ATF2: variants seen among roughly 807,000 people sequenced by gnomAD.
ATF2 encodes cyclic AMP-dependent transcription factor ATF-2.
Under a neutral mutation model 60.6 loss-of-function variants are expected in ATF2, and 24 were observed. That is an observed-to-expected ratio of 0.40 (90% CI 0.29 to 0.56). The LOEUF is 0.56. Ranked by LOEUF, ATF2 falls within the 20% of genes least tolerant of loss-of-function variation. The probability of loss-of-function intolerance (pLI) is 0.54; values close to 1 mark genes in which losing one functional copy is unlikely to be tolerated. For missense variants in ATF2, 433 were observed against 607.7 expected, an observed-to-expected ratio of 0.71 and a Z score of 3.02; for synonymous variants, 206 against 215.4, an observed-to-expected ratio of 0.96 and a Z score of 0.38.
At chr2:175,164,235 A>G (rs1700210774) in intron 1 of ATF2, among the ~76,000 whole-genome samples, 1 of 150,920 alleles carries the variant, frequency 6.6e-6, no homozygotes, top group African/African-American at 2.4e-5. Flanking sequence ...TATATTATAA[A>G]ATAATGTGTA....
intron 1 of ATF2, among the ~76,000 whole-genome samples, chr2:175,159,275 T>C (rs1048690505): frequency 2.0e-5 from 3 of 151,472 alleles, no homozygotes; most frequent in Admixed American, 2.0e-4. Flanking sequence ...GCTGAGAACC[T>C]ACCACTGTAC....
chr2:175,127,852 C>G (rs1697446316), intron 4 of ATF2, among the ~76,000 whole-genome samples: 1 of 152,196 alleles, frequency 6.6e-6, no homozygotes, highest in South Asian at 2.1e-4. Context: ...TTACCTCGCT[C>G]TACATCATTA....
chr2:175,080,522 T>C (rs555567418), intron 13 of ATF2, 138 bp downstream of exon 13: 17 of 653,458 alleles, frequency 2.6e-5, no homozygotes, highest in Non-Finnish European at 4.2e-5. Context: ...CTGCATTCTA[T>C]AATAACCTTA....
chr2:175,111,004 T>A (rs1474480515), intron 10 of ATF2, among the ~76,000 whole-genome samples: 15 of 152,182 alleles, frequency 9.9e-5, no homozygotes, highest in Admixed American at 7.9e-4. Flanking sequence ...AACCAAAGCT[T>A]AATCTTTTTA....
At chr2:175,114,440 G>GTGAAATA (rs1696409216) in intron 8 of ATF2, 2 of 1,244,544 alleles carry the variant, frequency 1.6e-6, no homozygotes, top group East Asian at 7.0e-5. Flanking sequence ...TATATTTTGT[G>GTGAAATA]TGAAATAGCA....
intron 8 of ATF2, 113 bp downstream of exon 8, chr2:175,114,577 C>T: frequency 1.3e-6 from 2 of 1,482,522 alleles, no homozygotes; most frequent in Admixed American, 2.2e-5. Context: ...TCGAAGCATG[C>T]ACACACATAC....
intron 1 of ATF2, among the ~76,000 whole-genome samples, chr2:175,154,234 A>AAAT (rs59907964): frequency 0.021 from 2,716 of 131,596 alleles, 46 homozygotes; most frequent in African/African-American, 0.043. Flanking sequence ...AGAAAAAAAA[A>AAAT]ATATATATAT....
chr2:175,120,779 T>C (rs994769771), intron 5 of ATF2, among the ~76,000 whole-genome samples: 15 of 151,672 alleles, frequency 9.9e-5, no homozygotes, highest in African/African-American at 2.4e-4. Context: ...TATATATACA[T>C]AGATGTGTGT....
intron 11 of ATF2, among the ~76,000 whole-genome samples, chr2:175,094,407 A>G (rs1694770761): frequency 1.2e-5 from 1 of 86,532 alleles, no homozygotes; most frequent in Non-Finnish European, 2.2e-5. Flanking sequence ...AAATACGAAA[A>G]AAAAAAAAAA....
At chr2:175,165,640 C>CCACT (rs1700302045) in intron 1 of ATF2, among the ~76,000 whole-genome samples, 1 of 152,196 alleles carries the variant, frequency 6.6e-6, no homozygotes, top group Non-Finnish European at 1.5e-5. Context: ...CACCCCAACC[C>CCACT]CACTATTTGT....
chr2:175,106,441 G>A (rs555537755), intron 10 of ATF2, among the ~76,000 whole-genome samples: 2 of 151,698 alleles, frequency 1.3e-5, no homozygotes, highest in Admixed American at 6.6e-5. Context: ...CGGGAAAATC[G>A]CTTGAACCTG....
At chr2:175,081,575 G>A (rs1693760021) in intron 12 of ATF2, among the ~76,000 whole-genome samples, 1 of 152,008 alleles carries the variant, frequency 6.6e-6, no homozygotes, top group African/African-American at 2.4e-5. Flanking sequence ...TTAATAAACT[G>A]GTAATATAAA....
In ATF2 at chr2:175,073,087, C is replaced by T. The variant is rs1453895573; in HGVS notation, c.*1522G>A. 4 of 152,072 alleles carry T rather than the reference C, an allele frequency of 2.6e-5. No individual in the cohort carries two copies. Among genetic ancestry groups the T allele is most frequent in the Non-Finnish European group, 4.4e-5 (3 of 67,988 alleles). The allele number at this position is 152,072 out of a possible 1,614,324, so 9.4% of individuals were successfully genotyped here. A position where few individuals can be genotyped will look rare whatever the true frequency, so the allele number is the denominator to read the frequency against. On this transcript the variant is annotated 3_prime_UTR_variant, in exon 14 of 14. Transcript: ENST00000264110. ...CAGATATTTACATAGTGGAATCCTG[C>T]TTGAATGCCAGAAGTTGCTACTGGG...
chr2:175,139,762 GAGAC>G (rs1698380578), intron 2 of ATF2, among the ~76,000 whole-genome samples: 1 of 151,540 alleles, frequency 6.6e-6, no homozygotes. Flanking sequence ...TTTTATTAAA[GAGAC>G]AGACCAGTAA....
intron 2 of ATF2, among the ~76,000 whole-genome samples, chr2:175,140,203 G>A (rs1489160234): frequency 2.6e-5 from 4 of 152,082 alleles, no homozygotes; most frequent in African/African-American, 9.7e-5. Flanking sequence ...TCAGCTAGGC[G>A]AAAATGCCAA....
At chr2:175,150,040 T>A (rs1196289885) in intron 2 of ATF2, among the ~76,000 whole-genome samples, 2 of 152,206 alleles carry the variant, frequency 1.3e-5, no homozygotes, top group Non-Finnish European at 2.9e-5. Context: ...TATTTTATGA[T>A]GACTGCTTCT....
At chr2:175,139,929 G>C (rs1262610958) in intron 2 of ATF2, among the ~76,000 whole-genome samples, 2 of 151,994 alleles carry the variant, frequency 1.3e-5, no homozygotes, top group African/African-American at 4.8e-5. Flanking sequence ...TGAACATAAA[G>C]TAAAATGAAG....
At chr2:175,122,918 A>G (rs532341573) in intron 4 of ATF2, among the ~76,000 whole-genome samples, 41 of 152,188 alleles carry the variant, frequency 2.7e-4, no homozygotes, top group African/African-American at 9.1e-4. Flanking sequence ...ATCTTGCTAC[A>G]TTTTATCACT....
intron 13 of ATF2, among the ~76,000 whole-genome samples, chr2:175,079,748 GTTTC>G (rs1693639876): frequency 6.6e-6 from 1 of 152,064 alleles, no homozygotes; most frequent in Non-Finnish European, 1.5e-5. Flanking sequence ...AATACAAAAT[GTTTC>G]TTTCTTTTGA....
Sources: allele counts gnomAD v4.1 joint callset (sites outside exome capture counted in the v4.1 genomes callset), GRCh38; gene constraint gnomAD v4.1.1; transcripts MANE v1.5; gene names NCBI Gene and HGNC (gene_info 2026-07-23, HGNC 2026-07-21).